The following COL11A1 variants were observed in gnomAD, a reference collection of about 807,000 sequenced individuals.
The protein encoded by COL11A1 is collagen alpha-1(XI) chain.
Under a neutral mutation model 265.2 loss-of-function variants are expected in COL11A1, and 74 were observed. The ratio of observed to expected loss-of-function variants is 0.28; its 90% CI spans 0.23 to 0.34. COL11A1 has a LOEUF of 0.34. Ranked by LOEUF, COL11A1 falls within the 10% of genes least tolerant of loss-of-function variation. The pLI, the probability that COL11A1 is intolerant of heterozygous loss-of-function variation, is 1.00. For synonymous variants in COL11A1, 816 were observed against 727.6 expected, an observed-to-expected ratio of 1.12 and a Z score of -1.96; for missense variants, 2,165 against 2,263.6, an observed-to-expected ratio of 0.96 and a Z score of 0.88.
At chr1:103,049,536 G>A (rs1361678642) in intron 4 of COL11A1, among the ~76,000 whole-genome samples, 1 of 152,128 alleles carries the variant, frequency 6.6e-6, no homozygotes, top group Non-Finnish European at 1.5e-5. Context: ...ACACTGATGG[G>A]TCTTGACTCT....
intron 4 of COL11A1, among the ~76,000 whole-genome samples, chr1:103,052,199 C>T (rs12079863): frequency 0.037 from 5,661 of 151,880 alleles, 362 homozygotes; most frequent in African/African-American, 0.13. Flanking sequence ...TTCATGTTTT[C>T]TTTTTTTTAA....
At chr1:102,993,886 T>C (rs897819555) in intron 28 of COL11A1, among the ~76,000 whole-genome samples, 3 of 152,114 alleles carry the variant, frequency 2.0e-5, no homozygotes, top group African/African-American at 7.2e-5. Context: ...GTATCTTTGA[T>C]CTATGGTTTA....
intron 37 of COL11A1, among the ~76,000 whole-genome samples, chr1:102,966,911 C>G (rs1380858210): frequency 2.0e-5 from 3 of 152,286 alleles, no homozygotes; most frequent in Admixed American, 2.0e-4. Flanking sequence ...CATGCTCTCT[C>G]TTCAACATTC....
intron 35 of COL11A1, among the ~76,000 whole-genome samples, chr1:102,976,600 G>C (rs1662521128): frequency 1.3e-5 from 2 of 151,824 alleles, no homozygotes; most frequent in Non-Finnish European, 2.9e-5. Flanking sequence ...CGCCTGGCTG[G>C]CGTATTCTTT....
intron 4 of COL11A1, among the ~76,000 whole-genome samples, chr1:103,069,379 C>A (rs1192210220): frequency 6.6e-6 from 1 of 151,630 alleles, no homozygotes; most frequent in Non-Finnish European, 1.5e-5. Context: ...GAACATTGAC[C>A]TTTACCTTAC....
intron 1 of COL11A1, among the ~76,000 whole-genome samples, chr1:103,096,683 T>C (rs1367588663): frequency 6.6e-6 from 1 of 151,990 alleles, no homozygotes; most frequent in African/African-American, 2.4e-5. Context: ...AAATTCTATT[T>C]GAATAATTTC....
chr1:103,108,037 G>T (rs751796698), intron 1 of COL11A1, 36 bp downstream of exon 1: 4 of 1,508,662 alleles, frequency 2.7e-6, no homozygotes, highest in Non-Finnish European at 3.7e-6. Context: ...AGGACCGACG[G>T]CAATCTCCCA....
Position 102,989,587 on chromosome 1 carries a change from A to T in COL11A1, c.2341-16T>A, listed in dbSNP as rs1663921945. 1.9e-6 allele frequency: 3 copies of T among 1,595,276 alleles called. No individual in the cohort carries two copies. The highest frequency in any genetic ancestry group is 2.6e-6 in the Non-Finnish European group (3 of 1,163,726). On this transcript the variant is annotated splice_polypyrimidine_tract_variant and intron_variant, in intron 28 of 66. Coordinates refer to ENST00000370096, the MANE Select transcript of COL11A1 (RefSeq NM_001854.4). ...CATCTTCACCCTAAAACATTATAAA[A>T]GGAATTAAATAGGAGTTTAATCAGT...
chr1:103,011,377 A>G (rs1666112737), intron 14 of COL11A1, among the ~76,000 whole-genome samples: 1 of 152,118 alleles, frequency 6.6e-6, no homozygotes. Context: ...AAATTATATA[A>G]TTTAAATTCT....
At chr1:102,916,505 CT>C in intron 49 of COL11A1, among the ~76,000 whole-genome samples, 1 of 152,092 alleles carries the variant, frequency 6.6e-6, no homozygotes, top group African/African-American at 2.4e-5. Flanking sequence ...GGAAATTGTT[CT>C]TTTAAATTGA....
At chr1:102,880,087 G>A (rs1650039462) in intron 65 of COL11A1, 171 bp from the exon 66 acceptor site, 1 of 597,860 alleles carries the variant, frequency 1.7e-6, no homozygotes, top group Non-Finnish European at 3.0e-6. Flanking sequence ...AAGACCCAGA[G>A]ACAAGATTTT....
intron 46 of COL11A1, among the ~76,000 whole-genome samples, chr1:102,927,194 G>A (rs1450943306): frequency 6.6e-6 from 1 of 151,862 alleles, no homozygotes; most frequent in African/African-American, 2.4e-5. Context: ...TTTTCTACAA[G>A]TTCACAAATT....
At chr1:102,916,497 A>G (rs1193933363) in intron 49 of COL11A1, among the ~76,000 whole-genome samples, 1 of 152,062 alleles carries the variant, frequency 6.6e-6, no homozygotes, top group Non-Finnish European at 1.5e-5. Context: ...TGTGAGGTGG[A>G]AATTGTTCTT....
chr1:102,974,197 C>CA (rs1339155079), intron 36 of COL11A1, among the ~76,000 whole-genome samples: 1 of 127,888 alleles, frequency 7.8e-6, no homozygotes, highest in Non-Finnish European at 1.7e-5. Context: ...CAAACAAAAA[C>CA]AAAAAAGACC....
In COL11A1 at chr1:103,025,947, C is replaced by A. The variant is rs748058577; in HGVS notation, c.897+269G>T. On this transcript the variant is annotated intron_variant, in intron 6 of 66. Transcript: ENST00000370096. ...TCATCTTCTTTTTGAAATTGGATTTCTTTTTCTGTAAAATGTGGTGAAAGA... is the reference window on the plus strand; with the variant it reads ...TCATCTTCTTTTTGAAATTGGATTTATTTTTCTGTAAAATGTGGTGAAAGA... 6.8e-6 allele frequency: 11 copies of A among 1,610,878 alleles called. No homozygotes were observed. The highest frequency in any genetic ancestry group is 6.7e-5 in the Admixed American group (4 of 59,932).
chr1:102,897,444 AT>A (rs199691282), intron 57 of COL11A1, among the ~76,000 whole-genome samples: 67 of 150,344 alleles, frequency 4.5e-4, no homozygotes, highest in African/African-American at 1.5e-3. Flanking sequence ...AGAAAAAAAA[AT>A]ATATATATAT....
chr1:102,879,278 G>T (rs951857935), intron 66 of COL11A1, among the ~76,000 whole-genome samples: 4 of 151,924 alleles, frequency 2.6e-5, no homozygotes, highest in East Asian at 1.9e-4. Context: ...ACAAAATATA[G>T]GGCTAAAAAT....
At chr1:102,927,171 A>C (rs966761243) in intron 46 of COL11A1, among the ~76,000 whole-genome samples, 9 of 152,132 alleles carry the variant, frequency 5.9e-5, no homozygotes, top group Non-Finnish European at 1.2e-4. Flanking sequence ...ATATAAATTC[A>C]ATTTACATAG....
intron 4 of COL11A1, among the ~76,000 whole-genome samples, chr1:103,068,037 A>T (rs1268691687): frequency 6.6e-6 from 1 of 151,686 alleles, no homozygotes; most frequent in Admixed American, 6.6e-5. Flanking sequence ...TAACATCAGT[A>T]ATATAAGAAA....
Sources: gnomAD v4.1 joint callset for allele counts (sites outside exome capture counted in the v4.1 genomes callset) on GRCh38, gnomAD v4.1.1 for gene constraint, MANE v1.5 for transcripts, NCBI Gene and HGNC (gene_info 2026-07-23, HGNC 2026-07-21) for gene names.